UNC13C: variants seen among roughly 807,000 people sequenced by gnomAD.
UNC13C encodes protein unc-13 homolog C.
A neutral mutation model predicts 245.4 loss-of-function variants in UNC13C; 174 were observed. The observed-to-expected ratio is 0.71, with a 90% CI of 0.63 to 0.80. UNC13C has a LOEUF of 0.80. UNC13C is among the 30% of genes least tolerant of loss of function. UNC13C has a pLI of 0.00. For synonymous variants in UNC13C, 992 were observed against 895.1 expected (o/e 1.11, Z -1.93); for missense variants, 2,829 against 2,602.9 (o/e 1.09, Z -1.89).
intron 2 of UNC13C, among the ~76,000 whole-genome samples, chr15:54,019,170 C>T (rs1285232334): frequency 6.6e-6 from 1 of 152,194 alleles, no homozygotes; most frequent in African/African-American, 2.4e-5. Flanking sequence ...ATGCTGAAAA[C>T]TTACCTAGCT....
chr15:53,929,037 A>T, the UNC13C span, among the ~76,000 whole-genome samples: 1 of 152,184 alleles, frequency 6.6e-6, no homozygotes, highest in Non-Finnish European at 1.5e-5. Flanking sequence ...ATAAAGACAT[A>T]CCTAAGACTG....
intron 19 of UNC13C, among the ~76,000 whole-genome samples, chr15:54,494,043 T>A (rs565287042): frequency 1.3e-5 from 2 of 152,116 alleles, no homozygotes; most frequent in African/African-American, 2.4e-5. Flanking sequence ...TTTCAACTAT[T>A]TTAATGCTTT....
chr15:54,390,965 C>T (rs79508353), intron 17 of UNC13C, among the ~76,000 whole-genome samples: 9,858 of 152,062 alleles, frequency 0.065, 363 homozygotes, highest in East Asian at 0.12. Context: ...TATTCTAATG[C>T]AACAAACGTT....
intron 8 of UNC13C, among the ~76,000 whole-genome samples, chr15:54,255,448 C>T (rs773466534): frequency 1.3e-5 from 2 of 152,050 alleles, no homozygotes; most frequent in African/African-American, 2.4e-5. Flanking sequence ...GATAGTCTGC[C>T]GACGTGACGA....
intron 17 of UNC13C, among the ~76,000 whole-genome samples, chr15:54,364,960 A>G (rs2039329953): frequency 1.3e-5 from 2 of 152,224 alleles, no homozygotes; most frequent in Non-Finnish European, 2.9e-5. Flanking sequence ...GGATGCTTAC[A>G]CTAGCGCTAT....
At chr15:54,436,341 C>T (rs183056238) in intron 19 of UNC13C, among the ~76,000 whole-genome samples, 11 of 152,074 alleles carry the variant, frequency 7.2e-5, no homozygotes, top group Middle Eastern at 3.4e-3. Context: ...AATCATTCTG[C>T]TATAAAGACA....
intron 2 of UNC13C, among the ~76,000 whole-genome samples, chr15:54,035,259 A>G (rs1896526617): frequency 6.6e-6 from 1 of 152,244 alleles, no homozygotes; most frequent in Non-Finnish European, 1.5e-5. Flanking sequence ...TGCTTGCGAT[A>G]TATTAAGTCA....
At chr15:54,118,519 A>C (rs888649471) in intron 2 of UNC13C, among the ~76,000 whole-genome samples, 1 of 152,132 alleles carries the variant, frequency 6.6e-6, no homozygotes, top group African/African-American at 2.4e-5. Context: ...ACTGTACTGA[A>C]TTCGTTTATC....
At position 54,455,205 on chromosome 15, in the gene UNC13C, C is replaced by CTCTATATATA. The variant is rs1388065398; in HGVS notation, c.4934-39402_4934-39401insCTATATATAT. On this transcript the variant is annotated intron_variant, in intron 19 of 32. Coordinates refer to ENST00000260323, the MANE Select transcript of UNC13C (RefSeq NM_001080534.3). ...TCTCTCTCTCTCTCTCTCTCTCTCT[C>CTCTATATATA]TATATATATATATATATATATATAT... 3.0e-3 allele frequency among the ~76,000 whole-genome samples: 57 copies of CTCTATATATA among 18,942 alleles called. 1 individual carries two copies. Among genetic ancestry groups the CTCTATATATA allele is most frequent in the Non-Finnish European group, 3.5e-3 (38 of 10,816 alleles). 12.4% of individuals were successfully genotyped at this position (18,942 alleles called of 152,430 possible).
At chr15:53,892,489 T>C in the UNC13C span, among the ~76,000 whole-genome samples, 2 of 152,210 alleles carry the variant, frequency 1.3e-5, no homozygotes, top group Non-Finnish European at 2.9e-5. Context: ...TGGTTCCATT[T>C]TCCCTGTCAC....
chr15:54,554,507 A>G (rs941032079), intron 28 of UNC13C, among the ~76,000 whole-genome samples: 11 of 152,118 alleles, frequency 7.2e-5, no homozygotes, highest in African/African-American at 2.7e-4. Flanking sequence ...ATACCTGCTC[A>G]GAGCTATGTT....
At chr15:54,549,748 TGCAA>T (rs1896650914) in intron 28 of UNC13C, 57 bp downstream of exon 28, 1 of 1,112,280 alleles carries the variant, frequency 9.0e-7, no homozygotes, top group Non-Finnish European at 1.3e-6. Context: ...ACTACAGTTC[TGCAA>T]GCATCCTCCT....
chr15:54,492,115 TGTTAATATTTAAAG>T (rs1893742646), intron 19 of UNC13C, among the ~76,000 whole-genome samples: 1 of 152,304 alleles, frequency 6.6e-6, no homozygotes, highest in East Asian at 1.9e-4. Context: ...TTACACAGCT[TGTTAATATTTAAAG>T]GATTAAAAAA....
chr15:54,338,269 A>G, intron 16 of UNC13C, 92 bp from the exon 17 acceptor site: 1 of 1,372,722 alleles, frequency 7.3e-7, no homozygotes, highest in Non-Finnish European at 9.7e-7. Flanking sequence ...AAATCGACTG[A>G]AAGTATTTAT....
chr15:54,006,161 C>G (rs1895126938), intron 1 of UNC13C, among the ~76,000 whole-genome samples: 1 of 152,094 alleles, frequency 6.6e-6, no homozygotes, highest in Non-Finnish European at 1.5e-5. Context: ...ATAAACCACA[C>G]AAAAGGACTT....
the UNC13C span, among the ~76,000 whole-genome samples, chr15:53,908,004 T>C: frequency 6.8e-6 from 1 of 147,112 alleles, no homozygotes; most frequent in Non-Finnish European, 1.5e-5. Context: ...CTTGAAGTTT[T>C]AGGATTTACT....
the UNC13C span, among the ~76,000 whole-genome samples, chr15:53,955,278 C>CAT: frequency 1.5e-4 from 17 of 114,104 alleles, no homozygotes; most frequent in African/African-American, 4.6e-4. Context: ...CACACACACA[C>CAT]ACACACACAC....
At chr15:54,565,690 T>C (rs1253786298) in intron 29 of UNC13C, among the ~76,000 whole-genome samples, 1 of 152,042 alleles carries the variant, frequency 6.6e-6, no homozygotes, top group African/African-American at 2.4e-5. Context: ...GACAGATTTA[T>C]CCGCAAAGCA....
chr15:54,002,244 C>A (rs978543956), intron 1 of UNC13C, among the ~76,000 whole-genome samples: 3 of 152,052 alleles, frequency 2.0e-5, no homozygotes, highest in Admixed American at 6.5e-5. Context: ...CAAGATTGCA[C>A]CACTGCACTC....
Sources: gnomAD v4.1 joint callset for allele counts (sites outside exome capture counted in the v4.1 genomes callset) on GRCh38, gnomAD v4.1.1 for gene constraint, MANE v1.5 for transcripts, NCBI Gene and HGNC (gene_info 2026-07-23, HGNC 2026-07-21) for gene names.